The following NBPF20 variants were observed in gnomAD, a reference collection of about 807,000 sequenced individuals.
NBPF20 encodes the protein NBPF member 20.
A neutral mutation model predicts 68.1 loss-of-function variants in NBPF20; 90 were observed. That is an observed-to-expected ratio of 1.32 (90% CI 1.11 to 1.58). The LOEUF (loss-of-function observed/expected upper bound fraction) is 1.58, where lower values mean the gene tolerates loss of function less well. Ranked by LOEUF, NBPF20 falls within the 40% of genes most tolerant of loss-of-function variation. NBPF20 has a pLI of 0.00. For missense variants in NBPF20, 816 were observed against 601.2 expected (o/e 1.36, Z -3.74); for synonymous variants, 290 against 228.1 (o/e 1.27, Z -2.45).
chr1:145,291,694 C>G (rs374336518), exon 138 of NBPF20: 8 of 1,611,882 alleles, frequency 5.0e-6, no homozygotes, highest in East Asian at 2.2e-5. Flanking sequence ...AGTACATTGA[C>G]GGAGTAGAAT....
rs782279858 is a variant in NBPF20 at position 145,291,663 on chromosome 1, G to A, written c.16804C>T (p.Gln5602Ter). 4.3e-5 allele frequency: 70 copies of A among 1,611,792 alleles called. 1 individual carries two copies. Among genetic ancestry groups the A allele is most frequent in the Non-Finnish European group, 4.6e-5 (54 of 1,179,864 alleles). The change falls in exon 138 of 138, where the codon CAG (glutamine) becomes TAG (stop). Residue 5602 changes from glutamine (Q) to a stop codon, truncating the protein, a stop_gained. Coordinates refer to ENST00000369373, the Ensembl canonical transcript of NBPF20. LOFTEE classifies it high-confidence loss of function. ...GAGTAAAACACACTTCTGTAGTGCTGGAATGAGTCAGGTAGTTCAAAGTAC... is the reference window on the plus strand; with the variant it reads ...GAGTAAAACACACTTCTGTAGTGCTAGAATGAGTCAGGTAGTTCAAAGTAC...
upstream of NBPF20, among the ~76,000 whole-genome samples, chr1:145,410,122 T>G (rs1216655456): frequency 1.3e-5 from 2 of 152,024 alleles, no homozygotes; most frequent in African/African-American, 4.8e-5. Flanking sequence ...AAAGGAGCCA[T>G]ACCATTTTTC....
chr1:145,400,264 G>C (rs1477062514), intron 6 of NBPF20, 125 bp downstream of exon 11: 36 of 1,586,190 alleles, frequency 2.3e-5, no homozygotes, highest in African/African-American at 1.2e-4. Flanking sequence ...AAAAGTCCCT[G>C]ATATCTGTTT....
In NBPF20 at chr1:145,394,940, G is replaced by C. The variant is rs1398729811; in HGVS notation, c.991+38C>G. The C allele has an allele frequency of 7.4e-6, 12 of 1,611,720 alleles. No individual in the cohort carries two copies. The African/African-American group carries it at 1.3e-4, about 18-fold the overall frequency. On this transcript the variant is annotated intron_variant, in intron 8 of 137. Transcript: ENST00000369373. ...AGATTATGGGGTCTACCTGGGCCATGAACTGGAGCTTTATCACCTTCACAG... is the reference window on the plus strand; with the variant it reads ...AGATTATGGGGTCTACCTGGGCCATCAACTGGAGCTTTATCACCTTCACAG...
At chr1:145,292,967 G>A (rs200363100) in intron 136 of NBPF20, among the ~76,000 whole-genome samples, 1,770 of 5,966 alleles carry the variant, frequency 0.3, 340 homozygotes, top group Middle Eastern at 0.46. Flanking sequence ...ATGTCATGAG[G>A]ATAGGATCAG....
upstream of NBPF20, among the ~76,000 whole-genome samples, chr1:145,408,783 C>T (rs140288162): frequency 3.1e-3 from 477 of 152,118 alleles, 6 homozygotes; most frequent in African/African-American, 8.2e-3. Flanking sequence ...TTAGGGGCCT[C>T]GTACCTGCTT....
the NBPF20 span, among the ~76,000 whole-genome samples, chr1:145,411,259 A>C: frequency 6.7e-6 from 1 of 149,498 alleles, no homozygotes; most frequent in Non-Finnish European, 1.5e-5. Context: ...TTTAAACATA[A>C]CAACTCTTCT....
exon 137 of NBPF20, chr1:145,292,432 C>A: frequency 1.4e-6 from 1 of 705,896 alleles, no homozygotes; most frequent in Non-Finnish European, 2.5e-6. Flanking sequence ...TCCCCTTCTT[C>A]TTTTCTTCTT....
At chr1:145,398,182 G>C (rs1262894420) in intron 7 of NBPF20, among the ~76,000 whole-genome samples, 1 of 151,758 alleles carries the variant, frequency 6.6e-6, no homozygotes, top group Non-Finnish European at 1.5e-5. Flanking sequence ...TGAGACAGAA[G>C]CTTAACAAGG....
At chr1:145,311,084 T>G (rs1571348339) in intron 113 of NBPF20, among the ~76,000 whole-genome samples, 2 of 71,656 alleles carry the variant, frequency 2.8e-5, no homozygotes, top group Non-Finnish European at 5.1e-5. Flanking sequence ...GTTGGCCGGG[T>G]GACACACTGA....
chr1:145,411,272 T>C, the NBPF20 span, among the ~76,000 whole-genome samples: 1 of 150,348 alleles, frequency 6.7e-6, no homozygotes, highest in Non-Finnish European at 1.5e-5. Flanking sequence ...ACTCTTCTGA[T>C]CCATGACAAG....
upstream of NBPF20, among the ~76,000 whole-genome samples, chr1:145,410,199 T>C (rs1662953836): frequency 6.6e-6 from 1 of 152,042 alleles, no homozygotes; most frequent in Admixed American, 6.6e-5. Context: ...TTCAGCCTTT[T>C]TAATTTTAGC....
intron 7 of NBPF20, among the ~76,000 whole-genome samples, chr1:145,397,533 C>T (rs1662314107): frequency 6.6e-6 from 1 of 152,170 alleles, no homozygotes; most frequent in African/African-American, 2.4e-5. Flanking sequence ...GAAGCAAATG[C>T]TGAGAGATTT....
chr1:145,404,425 C>T (rs1254849729), intron 2 of NBPF20, among the ~76,000 whole-genome samples: 15 of 151,966 alleles, frequency 9.9e-5, no homozygotes, highest in East Asian at 1.9e-4. Flanking sequence ...CGCCCATCTA[C>T]TTTTTGTATT....
intron 133 of NBPF20, chr1:145,295,252 AG>A (rs1661277319): frequency 1.9e-6 from 1 of 530,974 alleles, no homozygotes; most frequent in African/African-American, 2.6e-5. Context: ...ACTCTGAGTT[AG>A]TGCCCTCGGG....
At chr1:145,407,625 G>A (rs1479760372), upstream of NBPF20, 1 of 150,072 alleles carries the variant, frequency 6.7e-6, no homozygotes, top group African/African-American at 2.4e-5. Flanking sequence ...GGCGGAGCGA[G>A]GGCTACTGCA....
At chr1:145,422,918 G>A in the NBPF20 span, among the ~76,000 whole-genome samples, 4 of 146,878 alleles carry the variant, frequency 2.7e-5, no homozygotes, top group East Asian at 8.2e-4. Flanking sequence ...GAGCCAGGAG[G>A]TGGAGGTTGC....
chr1:145,291,603 C>A (rs113737426), exon 138 of NBPF20: 87 of 1,611,808 alleles, frequency 5.4e-5, no homozygotes, highest in Admixed American at 8.3e-5. Context: ...CTATTGTCCA[C>A]GTAAAGGGCG....
intron 7 of NBPF20, among the ~76,000 whole-genome samples, chr1:145,396,358 A>G (rs1411913384): frequency 7.9e-5 from 12 of 151,410 alleles, no homozygotes; most frequent in Non-Finnish European, 1.8e-4. Flanking sequence ...CTATGTGGAA[A>G]GACCAAATCT....
Sources: allele counts gnomAD v4.1 joint callset (sites outside exome capture counted in the v4.1 genomes callset), GRCh38; gene constraint gnomAD v4.1.1; transcripts MANE v1.5; gene names NCBI Gene and HGNC (gene_info 2026-07-23, HGNC 2026-07-21).